DIAPH2: variants seen among roughly 807,000 people sequenced by gnomAD.
DIAPH2 encodes the protein protein diaphanous homolog 2.
A neutral mutation model predicts 92.7 loss-of-function variants in DIAPH2; 35 were observed. The observed-to-expected ratio is 0.38, with a 90% CI of 0.29 to 0.50. The LOEUF is 0.50. DIAPH2 is among the 20% of genes least tolerant of loss of function. The pLI is 0.94. For missense variants in DIAPH2, 701 were observed against 819.5 expected, an observed-to-expected ratio of 0.86 and a Z score of 1.77; for synonymous variants, 301 against 280.4, an observed-to-expected ratio of 1.07 and a Z score of -0.73.
At chrX:97,195,063 T>C (rs2067690273) in intron 22 of DIAPH2, among the ~76,000 whole-genome samples, 1 of 112,013 alleles carries the variant, frequency 8.9e-6, no homozygotes, top group Non-Finnish European at 1.9e-5. Flanking sequence ...AGTCTTAGGA[T>C]AGGGCTGGGC....
At chrX:96,859,883 C>T (rs902756349) in intron 4 of DIAPH2, among the ~76,000 whole-genome samples, 3 of 111,156 alleles carry the variant, frequency 2.7e-5, no homozygotes, top group Admixed American at 9.6e-5. Context: ...CCTTGTGATC[C>T]GCCCGCCTCG....
intron 22 of DIAPH2, among the ~76,000 whole-genome samples, chrX:97,234,293 T>C (rs1297520522): frequency 4.1e-5 from 4 of 98,265 alleles, no homozygotes. Context: ...ATCTCGCCAT[T>C]GCACTCCAGC....
At chrX:97,261,351 TTA>T (rs2068286633) in intron 23 of DIAPH2, among the ~76,000 whole-genome samples, 1 of 111,923 alleles carries the variant, frequency 8.9e-6, no homozygotes, top group South Asian at 3.7e-4. Context: ...TGCACATATT[TTA>T]TATGTCATTG....
chrX:97,502,914 G>A (rs946196828), intron 26 of DIAPH2, among the ~76,000 whole-genome samples: 44 of 111,992 alleles, frequency 3.9e-4, no homozygotes, highest in Non-Finnish European at 5.6e-4. Context: ...GGAAGTGAAC[G>A]TTGATTCCCT....
chrX:97,344,900 GT>G (rs1481235178), intron 23 of DIAPH2, among the ~76,000 whole-genome samples: 1 of 112,082 alleles, frequency 8.9e-6, no homozygotes, highest in Non-Finnish European at 1.9e-5. Context: ...TATGCAAACA[GT>G]TTAGTAATTT....
chrX:96,818,416 G>T (rs2064755153), intron 4 of DIAPH2, among the ~76,000 whole-genome samples: 1 of 111,615 alleles, frequency 9.0e-6, no homozygotes, highest in African/African-American at 3.3e-5. Flanking sequence ...TTGGGGTTGG[G>T]GGAATAGTAT....
intron 16 of DIAPH2, among the ~76,000 whole-genome samples, chrX:96,962,545 A>G (rs1193992588): frequency 2.3e-5 from 2 of 87,989 alleles, no homozygotes; most frequent in Non-Finnish European, 4.3e-5. Context: ...TCTTTTTACT[A>G]TTTTTGACTT....
intron 4 of DIAPH2, among the ~76,000 whole-genome samples, chrX:96,880,714 G>A (rs2065207760): frequency 1.8e-5 from 2 of 111,537 alleles, no homozygotes; most frequent in South Asian, 7.6e-4. Context: ...TTAATTCAGG[G>A]ATATACATTT....
intron 4 of DIAPH2, among the ~76,000 whole-genome samples, chrX:96,764,322 GAGA>G (rs2064288436): frequency 9.0e-6 from 1 of 110,741 alleles, no homozygotes; most frequent in Non-Finnish European, 1.9e-5. Context: ...AGAGACTGTG[GAGA>G]AGCTCTCAGA....
chrX:97,604,112 C>G lies in DIAPH2; in HGVS notation c.*4795C>G, dbSNP rs949162548. ...CAGGGCTGAACGTCTTCTGGAGACT[C>G]TAAGGGAAACACTCTTCCCGTGTCT... On this transcript the variant is annotated 3_prime_UTR_variant, in exon 27 of 27. Coordinates refer to ENST00000324765, the MANE Select transcript of DIAPH2 (RefSeq NM_006729.5). 8.9e-6 allele frequency: 1 copy of G among 111,835 alleles called. No homozygotes were observed. Among genetic ancestry groups the G allele is most frequent in the African/African-American group, 3.3e-5 (1 of 30,676 alleles). The allele number at this position is 111,835 out of a possible 1,213,427, so 9.2% of individuals were successfully genotyped here.
chrX:97,054,005 T>A (rs1166459156), intron 17 of DIAPH2, among the ~76,000 whole-genome samples: 1 of 111,860 alleles, frequency 8.9e-6, no homozygotes, highest in East Asian at 2.8e-4. Context: ...TAGTTTTATC[T>A]GCCACCAGTA....
At chrX:96,777,457 A>T (rs1236404167) in intron 4 of DIAPH2, among the ~76,000 whole-genome samples, 1 of 83,688 alleles carries the variant, frequency 1.2e-5, no homozygotes, top group Non-Finnish European at 2.2e-5. Flanking sequence ...AGTACTAGAA[A>T]CATATCAACA....
intron 25 of DIAPH2, among the ~76,000 whole-genome samples, chrX:97,422,018 C>T (rs920115418): frequency 8.1e-5 from 9 of 111,658 alleles, no homozygotes; most frequent in Admixed American, 6.7e-4. Flanking sequence ...TATAAATAGA[C>T]AAAACTAATA....
intron 4 of DIAPH2, among the ~76,000 whole-genome samples, chrX:96,841,413 C>A (rs6620189): frequency 0.1 from 11,425 of 111,373 alleles, 528 homozygotes; most frequent in East Asian, 0.32. Flanking sequence ...GAAATATCTT[C>A]TGAAATAATT....
At chrX:97,323,223 A>G (rs2068915944) in intron 23 of DIAPH2, among the ~76,000 whole-genome samples, 1 of 105,691 alleles carries the variant, frequency 9.5e-6, no homozygotes, top group South Asian at 4.2e-4. Flanking sequence ...TTACTTTTTA[A>G]GAACTGGCAT....
rs1306852381 is a variant in DIAPH2, at chrX:97,183,082, T to G, written c.2719+41288T>G. 3.6e-5 allele frequency among the ~76,000 whole-genome samples: 4 copies of G among 111,602 alleles called. No individual in the cohort carries two copies. In the Admixed American group the frequency reaches 3.8e-4, roughly 11 times the overall value. On this transcript the variant is annotated intron_variant, in intron 22 of 26. Transcript: ENST00000324765. ...TATGCCGAAGCAGTGTTTAGAAAAC[T>G]TATGGAAGAGAAAATTTCAGGAAAG...
At chrX:96,810,190 A>C (rs1225928322) in intron 4 of DIAPH2, among the ~76,000 whole-genome samples, 2 of 111,723 alleles carry the variant, frequency 1.8e-5, no homozygotes, top group African/African-American at 6.5e-5. Context: ...TTGTTTCCTG[A>C]CTTTTTAATG....
chrX:97,112,765 C>CTTTTTT (rs60721723), intron 20 of DIAPH2, among the ~76,000 whole-genome samples: 48 of 37,235 alleles, frequency 1.3e-3, no homozygotes, highest in South Asian at 3.3e-3. Context: ...CCCTTTCTTT[C>CTTTTTT]TTTTTTTTTT....
chrX:97,366,109 T>G (rs1277685825), intron 24 of DIAPH2, among the ~76,000 whole-genome samples: 3 of 112,308 alleles, frequency 2.7e-5, no homozygotes, highest in Non-Finnish European at 5.6e-5. Flanking sequence ...TCTTTGAATT[T>G]TTATTACACA....
Sources: allele counts gnomAD v4.1 joint callset (sites outside exome capture counted in the v4.1 genomes callset), GRCh38; gene constraint gnomAD v4.1.1; transcripts MANE v1.5; gene names NCBI Gene and HGNC (gene_info 2026-07-23, HGNC 2026-07-21).